Variants in BNC2 observed in about 807,000 individuals in gnomAD.
The protein encoded by BNC2 is basonuclin zinc finger protein 2.
In BNC2, 20 loss-of-function variants were observed where a neutral mutation model predicts 76.3. The ratio of observed to expected loss-of-function variants is 0.26; its 90% CI spans 0.18 to 0.38. The LOEUF (loss-of-function observed/expected upper bound fraction) is 0.38, where lower values mean the gene tolerates loss of function less well. BNC2 is among the 10% of genes least tolerant of loss of function. The pLI, the probability that BNC2 is intolerant of heterozygous loss-of-function variation, is 1.00. For missense variants in BNC2, 1,382 were observed against 1,399.8 expected (o/e 0.99, Z 0.20); for synonymous variants, 582 against 514.8 (o/e 1.13, Z -1.77).
At chr9:16,572,072 G>C (rs1357824376) in intron 4 of BNC2, among the ~76,000 whole-genome samples, 2 of 152,054 alleles carry the variant, frequency 1.3e-5, no homozygotes, top group Non-Finnish European at 2.9e-5. Flanking sequence ...TAGCCAAAAG[G>C]AGGCGGGTGG....
chr9:16,680,426 A>C lies in BNC2; in HGVS notation c.330+47371T>G, dbSNP rs1199356694. ...TTCATATAAAAATATAAATTCACAT[A>C]ATCACAGGTAGCTAAGAAGGTAGCA... On this transcript the variant is annotated intron_variant, in intron 3 of 6. Coordinates refer to ENST00000380672, the MANE Select transcript of BNC2 (RefSeq NM_017637.6). Among the ~76,000 whole-genome samples, 3 of 152,254 alleles carry C rather than the reference A, an allele frequency of 2.0e-5. No individual in the cohort carries two copies. In the East Asian group the frequency reaches 5.8e-4, roughly 29 times the overall value.
chr9:16,508,097 T>G (rs957122841), intron 5 of BNC2, among the ~76,000 whole-genome samples: 3 of 152,210 alleles, frequency 2.0e-5, no homozygotes, highest in South Asian at 2.1e-4. Context: ...GTGAGAGAGA[T>G]AAAACAGGTA....
chr9:16,766,976 T>C (rs1260402283), intron 1 of BNC2, among the ~76,000 whole-genome samples: 2 of 152,236 alleles, frequency 1.3e-5, no homozygotes, highest in South Asian at 4.1e-4. Context: ...AGCCTAACAA[T>C]TTTTAAAGTC....
At chr9:16,557,723 G>A (rs1163599360) in intron 4 of BNC2, among the ~76,000 whole-genome samples, 1 of 151,938 alleles carries the variant, frequency 6.6e-6, no homozygotes, top group Non-Finnish European at 1.5e-5. Flanking sequence ...TTTCTCTATA[G>A]TGAGTTGATA....
intron 3 of BNC2, among the ~76,000 whole-genome samples, chr9:16,700,489 C>A (rs2134561817): frequency 6.6e-6 from 1 of 152,254 alleles, no homozygotes; most frequent in South Asian, 2.1e-4. Context: ...CCATCCCAAG[C>A]AACAAAGCAA....
intron 1 of BNC2, among the ~76,000 whole-genome samples, chr9:16,792,768 C>G (rs753158269): frequency 6.6e-6 from 1 of 152,140 alleles, no homozygotes; most frequent in Non-Finnish European, 1.5e-5. Flanking sequence ...GTAAAACCAA[C>G]AAACTTCATT....
At chr9:16,773,502 C>T (rs537845990) in intron 1 of BNC2, among the ~76,000 whole-genome samples, 5 of 126,498 alleles carry the variant, frequency 4.0e-5, no homozygotes, top group East Asian at 2.1e-4. Context: ...GACTACACGT[C>T]ATGCAATCAG....
chr9:16,866,572 G>C (rs563016546), intron 1 of BNC2, among the ~76,000 whole-genome samples: 2 of 148,182 alleles, frequency 1.3e-5, no homozygotes, highest in South Asian at 2.2e-4. Context: ...CATTTTGCCT[G>C]ATCTTCAAAT....
At chr9:16,671,201 C>T (rs1822467704) in intron 3 of BNC2, among the ~76,000 whole-genome samples, 1 of 152,150 alleles carries the variant, frequency 6.6e-6, no homozygotes, top group Non-Finnish European at 1.5e-5. Context: ...AAACAAAATG[C>T]CTTCATGCAA....
At chr9:16,839,179 C>T (rs755606472) in intron 1 of BNC2, among the ~76,000 whole-genome samples, 9 of 152,138 alleles carry the variant, frequency 5.9e-5, no homozygotes, top group Non-Finnish European at 1.2e-4. Flanking sequence ...GATTCTTTTC[C>T]TTAAAAGTGA....
At chr9:16,512,502 A>T (rs2131942658) in intron 5 of BNC2, among the ~76,000 whole-genome samples, 1 of 152,286 alleles carries the variant, frequency 6.6e-6, no homozygotes, top group East Asian at 1.9e-4. Flanking sequence ...ACACACACAC[A>T]CACAAATAGA....
intron 3 of BNC2, among the ~76,000 whole-genome samples, chr9:16,678,730 G>T (rs1191333003): frequency 6.6e-6 from 1 of 151,094 alleles, no homozygotes; most frequent in Admixed American, 6.6e-5. Flanking sequence ...TAAAGGAATG[G>T]CTTTTATTTT....
intron 1 of BNC2, among the ~76,000 whole-genome samples, chr9:16,756,726 A>T (rs1273795597): frequency 6.6e-6 from 1 of 152,214 alleles, no homozygotes; most frequent in Non-Finnish European, 1.5e-5. Flanking sequence ...ACAGGGGCTC[A>T]CGCCTATAAT....
chr9:16,621,893 T>C (rs896042720), intron 3 of BNC2, among the ~76,000 whole-genome samples: 1 of 152,234 alleles, frequency 6.6e-6, no homozygotes, highest in Non-Finnish European at 1.5e-5. Context: ...ATTTTTGATA[T>C]ACTGGGTCAA....
At chr9:16,770,854 C>T (rs1241747892) in intron 1 of BNC2, among the ~76,000 whole-genome samples, 1 of 151,508 alleles carries the variant, frequency 6.6e-6, no homozygotes, top group African/African-American at 2.4e-5. Context: ...GCCTCAGCGA[C>T]AAAGCAAGAC....
chr9:16,714,321 T>G (rs568823813), intron 3 of BNC2, among the ~76,000 whole-genome samples: 1 of 152,256 alleles, frequency 6.6e-6, no homozygotes, highest in Admixed American at 6.5e-5. Flanking sequence ...TATTCTTTTA[T>G]CCTCCATTAT....
intron 3 of BNC2, among the ~76,000 whole-genome samples, chr9:16,618,591 A>G (rs1318581321): frequency 1.3e-5 from 2 of 152,212 alleles, no homozygotes; most frequent in Non-Finnish European, 2.9e-5. Flanking sequence ...AATATACCCT[A>G]GGATAAAAGA....
intron 5 of BNC2, among the ~76,000 whole-genome samples, chr9:16,454,107 G>C (rs769879603): frequency 6.6e-6 from 1 of 152,048 alleles, no homozygotes; most frequent in East Asian, 1.9e-4. Context: ...TGAATTCTGT[G>C]ATCTGTTCAG....
intron 1 of BNC2, among the ~76,000 whole-genome samples, chr9:16,794,257 G>C (rs1362209874): frequency 6.6e-6 from 1 of 152,168 alleles, no homozygotes; most frequent in Non-Finnish European, 1.5e-5. Context: ...CCGTCCCCCA[G>C]CAGACTTCCT....
Sources: gnomAD v4.1 joint callset for allele counts (sites outside exome capture counted in the v4.1 genomes callset) on GRCh38, gnomAD v4.1.1 for gene constraint, MANE v1.5 for transcripts, NCBI Gene and HGNC (gene_info 2026-07-23, HGNC 2026-07-21) for gene names.